The following ARFGEF1 variants were observed in gnomAD, a reference collection of about 807,000 sequenced individuals.
The protein encoded by ARFGEF1 is brefeldin A-inhibited guanine nucleotide-exchange protein 1.
Under a neutral mutation model 231.0 loss-of-function variants are expected in ARFGEF1, and 42 were observed. The observed-to-expected ratio is 0.18, with a 90% confidence interval of 0.14 to 0.24. The LOEUF is 0.24. ARFGEF1 is among the 10% of genes least tolerant of loss of function. The pLI is 1.00. For synonymous variants in ARFGEF1, 710 were observed against 732.3 expected (o/e 0.97, Z 0.49); for missense variants, 1,345 against 2,192.0 (o/e 0.61, Z 7.72).
At chr8:67,320,788 C>T (rs566402230) in intron 1 of ARFGEF1, among the ~76,000 whole-genome samples, 2 of 151,884 alleles carry the variant, frequency 1.3e-5, no homozygotes, top group Non-Finnish European at 2.9e-5. Context: ...ATGGTGAAAC[C>T]CCGTCTCTAC....
chr8:67,230,651 T>C (rs138000548), intron 23 of ARFGEF1, among the ~76,000 whole-genome samples: 8 of 152,172 alleles, frequency 5.3e-5, no homozygotes, highest in Admixed American at 1.3e-4. Flanking sequence ...ATCTGGTATG[T>C]ATAAAAAAAC....
At chr8:67,332,882 G>A (rs1808163901) in intron 1 of ARFGEF1, among the ~76,000 whole-genome samples, 1 of 152,084 alleles carries the variant, frequency 6.6e-6, no homozygotes, top group Non-Finnish European at 1.5e-5. Flanking sequence ...TTTGCAAAAT[G>A]CAGGTAATAA....
intron 4 of ARFGEF1, among the ~76,000 whole-genome samples, chr8:67,298,891 G>T (rs1176334780): frequency 6.6e-6 from 1 of 152,096 alleles, no homozygotes; most frequent in Non-Finnish European, 1.5e-5. Flanking sequence ...TCAGCCTCCT[G>T]AGTGGCTGGA....
At chr8:67,268,916 C>CT (rs1197622900) in intron 10 of ARFGEF1, among the ~76,000 whole-genome samples, 1 of 152,068 alleles carries the variant, frequency 6.6e-6, no homozygotes, top group Non-Finnish European at 1.5e-5. Flanking sequence ...GAATCAAAAA[C>CT]TTTTGGGATC....
intron 25 of ARFGEF1, 115 bp from the exon 26 acceptor site, chr8:67,227,713 A>C: frequency 8.4e-7 from 1 of 1,185,630 alleles, no homozygotes; most frequent in South Asian, 1.7e-5. Context: ...AAATCCTAAG[A>C]TTTTCCATAA....
chr8:67,323,805 T>C (rs893215627), intron 1 of ARFGEF1, among the ~76,000 whole-genome samples: 3 of 136,796 alleles, frequency 2.2e-5, no homozygotes, highest in Non-Finnish European at 4.6e-5. Flanking sequence ...AGAAATCTAC[T>C]TTTTTTTTTT....
intron 19 of ARFGEF1, among the ~76,000 whole-genome samples, chr8:67,242,134 G>C (rs1314086510): frequency 6.6e-6 from 1 of 152,202 alleles, no homozygotes; most frequent in East Asian, 1.9e-4. Context: ...CTGAAAGTCA[G>C]TCTAGGCCAC....
chr8:67,282,618 C>T (rs796671392), intron 7 of ARFGEF1, among the ~76,000 whole-genome samples: 5 of 151,948 alleles, frequency 3.3e-5, no homozygotes, highest in East Asian at 3.9e-4. Context: ...GAGGCCAAGG[C>T]GGGTGGATCA....
intron 1 of ARFGEF1, among the ~76,000 whole-genome samples, chr8:67,337,054 G>A (rs1808376382): frequency 6.6e-6 from 1 of 150,942 alleles, no homozygotes; most frequent in Non-Finnish European, 1.5e-5. Context: ...GCGTGAACTC[G>A]GGAGGCGGAG....
At chr8:67,248,955 C>T (rs1840188126) in intron 19 of ARFGEF1, among the ~76,000 whole-genome samples, 1 of 149,944 alleles carries the variant, frequency 6.7e-6, no homozygotes, top group African/African-American at 2.5e-5. Flanking sequence ...ATAAGATAAA[C>T]TTTTTTTTGT....
At chr8:67,232,327 A>C (rs1310553482) in intron 23 of ARFGEF1, among the ~76,000 whole-genome samples, 1 of 152,074 alleles carries the variant, frequency 6.6e-6, no homozygotes, top group East Asian at 1.9e-4. Flanking sequence ...AAAATTGGAA[A>C]TATTCTGTAG....
chr8:67,247,999 G>A (rs1840158028), intron 19 of ARFGEF1, among the ~76,000 whole-genome samples: 1 of 150,130 alleles, frequency 6.7e-6, no homozygotes, highest in Non-Finnish European at 1.5e-5. Flanking sequence ...AGTGATGAAA[G>A]ACACTGAAGA....
intron 5 of ARFGEF1, among the ~76,000 whole-genome samples, chr8:67,182,126 C>T (rs1833200681): frequency 6.6e-6 from 1 of 152,130 alleles, no homozygotes; most frequent in Non-Finnish European, 1.5e-5. Context: ...CCTCAGCCTC[C>T]CAAGTAGCTG....
At chr8:67,277,482 T>C in intron 7 of ARFGEF1, 25 bp from the exon 8 acceptor site, 2 of 1,595,060 alleles carry the variant, frequency 1.3e-6, no homozygotes, top group East Asian at 2.2e-5. Context: ...ATAAAAACCA[T>C]GCAAATATAT....
At position 67,271,853 on chromosome 8, in the gene ARFGEF1, T is replaced by A; in HGVS notation, c.1421A>T (p.Asn474Ile). 1 of 1,613,810 alleles carries A rather than the reference T, an allele frequency of 6.2e-7. No homozygotes were observed. Among genetic ancestry groups the A allele is most frequent in the Non-Finnish European group, 8.5e-7 (1 of 1,179,804 alleles). ...CTTAATAGCATTAATAAACATCTCA[T>A]TTGTCCTGAAAATAGGTCCTGCATT... ...LQNAGPIFRT[N>I]EMFINAIKQY... The change falls in exon 10 of 39, where the codon AAT (asparagine) becomes ATT (isoleucine). Residue 474 changes from asparagine to isoleucine, a missense_variant. Asn to Ile is a moderately radical substitution (Grantham distance 149). Around this residue, in one of 14 missense-constraint regions of ARFGEF1, gnomAD observed 141 missense variants for 259.9 expected, o/e 0.54. Coordinates refer to ENST00000262215, the MANE Select transcript of ARFGEF1 (RefSeq NM_006421.5).
intron 6 of ARFGEF1, among the ~76,000 whole-genome samples, chr8:67,288,745 T>G (rs1241195528): frequency 1.3e-5 from 2 of 151,608 alleles, no homozygotes; most frequent in Non-Finnish European, 2.9e-5. Flanking sequence ...AAAAAAAAAG[T>G]AATTAAAGCT....
At chr8:67,319,131 T>C (rs1807461741) in intron 1 of ARFGEF1, among the ~76,000 whole-genome samples, 1 of 152,176 alleles carries the variant, frequency 6.6e-6, no homozygotes, top group Non-Finnish European at 1.5e-5. Flanking sequence ...ACTGAAAGTA[T>C]AAAAACAATA....
intron 22 of ARFGEF1, among the ~76,000 whole-genome samples, chr8:67,236,373 T>C (rs1324169648): frequency 3.6e-5 from 1 of 27,824 alleles, no homozygotes; most frequent in African/African-American, 1.7e-4. Flanking sequence ...AAAATATATA[T>C]ATATATATAT....
In ARFGEF1 at chr8:67,223,825, G is replaced by A. The variant is rs546140650; in HGVS notation, c.4208+1078C>T. On this transcript the variant is annotated intron_variant, in intron 29 of 38. Transcript: ENST00000262215. Reference sequence around the variant, plus strand: ...GTCAGCCGCTCCACTGAGGCAGGTGGACAGCTGAAATGGGGCTATCTTGAA... The same window carrying A: ...GTCAGCCGCTCCACTGAGGCAGGTGAACAGCTGAAATGGGGCTATCTTGAA... Among the ~76,000 whole-genome samples, 22 of 152,228 alleles carry A rather than the reference G, an allele frequency of 1.4e-4. No individual in the cohort carries two copies. The South Asian group carries it at 4.6e-3, about 32-fold the overall frequency.
Sources: allele counts gnomAD v4.1 joint callset (sites outside exome capture counted in the v4.1 genomes callset), GRCh38; gene constraint gnomAD v4.1.1; regional missense constraint gnomAD v4.1.1; transcripts MANE v1.5; gene names NCBI Gene and HGNC (gene_info 2026-07-23, HGNC 2026-07-21).